SLC24A4: variants seen among roughly 807,000 people sequenced by gnomAD.
The protein encoded by SLC24A4 is solute carrier family 24 member 4, also known as sodium/potassium/calcium exchanger 4.
SLC24A4 carries 53 observed loss-of-function variants against 79.0 expected under a neutral mutation model. The ratio of observed to expected loss-of-function variants is 0.67; its 90% CI spans 0.54 to 0.84. SLC24A4 has a LOEUF of 0.84. Ranked by LOEUF, SLC24A4 falls within the 40% of genes least tolerant of loss-of-function variation. The pLI, the probability that SLC24A4 is intolerant of heterozygous loss-of-function variation, is 0.00. For missense variants in SLC24A4, 731 were observed against 822.0 expected, an observed-to-expected ratio of 0.89 and a Z score of 1.35; for synonymous variants, 323 against 323.8, an observed-to-expected ratio of 1.00 and a Z score of 0.03.
intron 2 of SLC24A4, among the ~76,000 whole-genome samples, chr14:92,391,258 G>A (rs1889444943): frequency 6.6e-6 from 1 of 152,172 alleles, no homozygotes; most frequent in Admixed American, 6.5e-5. Context: ...GGGAAGGTGC[G>A]AGTGGAAGAG....
At chr14:92,491,961 T>C (rs1476484540) in intron 15 of SLC24A4, among the ~76,000 whole-genome samples, 184 bp downstream of exon 15, 1 of 152,184 alleles carries the variant, frequency 6.6e-6, no homozygotes, top group African/African-American at 2.4e-5. Context: ...CTCAGCCCGC[T>C]GGCGTGCCTC....
At chr14:92,413,311 C>T (rs954286113) in intron 2 of SLC24A4, among the ~76,000 whole-genome samples, 11 of 152,154 alleles carry the variant, frequency 7.2e-5, no homozygotes, top group African/African-American at 2.7e-4. Context: ...GCCCAGAATT[C>T]CCAGTCTCCT....
intron 10 of SLC24A4, 118 bp downstream of exon 10, chr14:92,449,334 T>C: frequency 2.3e-6 from 3 of 1,286,708 alleles, no homozygotes; most frequent in South Asian, 2.9e-5. Flanking sequence ...CCTCTCACAA[T>C]GTCCCCCCTC....
intron 2 of SLC24A4, among the ~76,000 whole-genome samples, chr14:92,381,480 T>C (rs1017719541): frequency 2.0e-5 from 3 of 152,090 alleles, no homozygotes; most frequent in Admixed American, 6.5e-5. Context: ...ACCTAATGCA[T>C]GCGGGGCTTA....
Position 92,491,858 on chromosome 14 carries a change from G to A in SLC24A4, c.1650+81G>A. ...GCCCAGTTCCAGCCAGAGGCTCTAG[G>A]AGACGACCTCCTCCTCTCCTTGGCA... On this transcript the variant is annotated intron_variant, in intron 15 of 16. Transcript: ENST00000532405. 5.4e-6 allele frequency: 6 copies of A among 1,104,296 alleles called. No individual in the cohort carries two copies. The South Asian group carries it at 7.6e-5, about 14-fold the overall frequency. 68.4% of individuals were successfully genotyped at this position (1,104,296 alleles called of 1,614,324 possible). A position where few individuals can be genotyped will look rare whatever the true frequency, so the allele number is the denominator to read the frequency against.
intron 12 of SLC24A4, among the ~76,000 whole-genome samples, chr14:92,478,211 A>T (rs1412492930): frequency 6.6e-6 from 1 of 152,232 alleles, no homozygotes; most frequent in Non-Finnish European, 1.5e-5. Context: ...GGTGTCATTT[A>T]AGAAATCATT....
At chr14:92,328,751 A>G (rs564857318) in intron 2 of SLC24A4, among the ~76,000 whole-genome samples, 1 of 152,354 alleles carries the variant, frequency 6.6e-6, no homozygotes, top group Non-Finnish European at 1.5e-5. Flanking sequence ...CTTGGGCCGC[A>G]TGACCACCCT....
At chr14:92,447,493 C>A in intron 9 of SLC24A4, 69 bp downstream of exon 9, 2 of 1,428,510 alleles carry the variant, frequency 1.4e-6, no homozygotes, top group Non-Finnish European at 2.0e-6. Flanking sequence ...CCTTTTGTGA[C>A]AGCAGGGAGA....
At chr14:92,482,230 A>G (rs1895102519) in intron 12 of SLC24A4, among the ~76,000 whole-genome samples, 1 of 152,268 alleles carries the variant, frequency 6.6e-6, no homozygotes, top group South Asian at 2.1e-4. Flanking sequence ...CCTGCAGCAC[A>G]TGGCAAATGC....
At chr14:92,337,113 G>A (rs1885855405) in intron 2 of SLC24A4, among the ~76,000 whole-genome samples, 1 of 152,120 alleles carries the variant, frequency 6.6e-6, no homozygotes, top group African/African-American at 2.4e-5. Context: ...AAAAACATGG[G>A]GAGGGGGTGG....
chr14:92,411,200 G>GCCGC (rs1890689339), intron 2 of SLC24A4, among the ~76,000 whole-genome samples: 1 of 152,176 alleles, frequency 6.6e-6, no homozygotes, highest in South Asian at 2.1e-4. Flanking sequence ...CTGCCAGCAA[G>GCCGC]CCGCCCATTA....
intron 2 of SLC24A4, among the ~76,000 whole-genome samples, chr14:92,404,271 T>G (rs1045503846): frequency 1.3e-5 from 2 of 152,216 alleles, no homozygotes; most frequent in African/African-American, 4.8e-5. Context: ...TCCCTCACTA[T>G]AGCCTCTTCT....
At chr14:92,407,964 A>G (rs903756520) in intron 2 of SLC24A4, among the ~76,000 whole-genome samples, 14 of 149,744 alleles carry the variant, frequency 9.3e-5, no homozygotes, top group Non-Finnish European at 1.5e-4. Flanking sequence ...CCAATAACCG[A>G]AAGTGTTGAA....
chr14:92,372,939 TTC>T (rs71899331), intron 2 of SLC24A4, among the ~76,000 whole-genome samples: 10 of 120,428 alleles, frequency 8.3e-5, no homozygotes, highest in Admixed American at 1.7e-4. Context: ...TTCTTTCTTT[TTC>T]TCTCTCTCTC....
intron 2 of SLC24A4, among the ~76,000 whole-genome samples, chr14:92,339,225 A>G (rs771960219): frequency 6.6e-6 from 1 of 152,220 alleles, no homozygotes; most frequent in African/African-American, 2.4e-5. Context: ...CTAACCTGTA[A>G]GACGAGGGGG....
chr14:92,471,462 G>C (rs1012072210), intron 12 of SLC24A4, among the ~76,000 whole-genome samples: 2 of 152,162 alleles, frequency 1.3e-5, no homozygotes, highest in African/African-American at 4.8e-5. Context: ...GGAACCTACT[G>C]TCTCAAGGAA....
chr14:92,420,977 C>T (rs1891245081), intron 2 of SLC24A4, among the ~76,000 whole-genome samples: 3 of 152,126 alleles, frequency 2.0e-5, no homozygotes, highest in Admixed American at 2.0e-4. Flanking sequence ...CCTCACTGCT[C>T]CTCGGGCTTC....
rs571852474 is a variant in SLC24A4 at position 92,365,825 on chromosome 14, G to A, written c.241+39847G>A. ...GAAGACTGAGGCAGAGAGTGAGAGAGTAATGTAGTTGCCCAAGGTCGCATG... is the reference window on the plus strand; with the variant it reads ...GAAGACTGAGGCAGAGAGTGAGAGAATAATGTAGTTGCCCAAGGTCGCATG... On this transcript the variant is annotated intron_variant, in intron 2 of 16. Coordinates refer to ENST00000532405, the MANE Select transcript of SLC24A4 (RefSeq NM_153646.4). Among the ~76,000 whole-genome samples, 3 of 152,314 alleles carry A rather than the reference G, an allele frequency of 2.0e-5. No homozygotes were observed. In the South Asian group the frequency reaches 6.2e-4, roughly 32 times the overall value.
At chr14:92,403,858 T>G (rs910600716) in intron 2 of SLC24A4, among the ~76,000 whole-genome samples, 1 of 135,276 alleles carries the variant, frequency 7.4e-6, no homozygotes, top group African/African-American at 2.7e-5. Flanking sequence ...ACATATGCTG[T>G]TTTCCTACAT....
Sources: gnomAD v4.1 joint callset for allele counts (sites outside exome capture counted in the v4.1 genomes callset) on GRCh38, gnomAD v4.1.1 for gene constraint, MANE v1.5 for transcripts, NCBI Gene and HGNC (gene_info 2026-07-23, HGNC 2026-07-21) for gene names.